Variants in IQSEC3 observed in about 807,000 individuals in gnomAD.
IQSEC3 encodes IQ motif and SEC7 domain-containing protein 3.
Under a neutral mutation model 105.4 loss-of-function variants are expected in IQSEC3, and 50 were observed. The ratio of observed to expected loss-of-function variants is 0.47; its 90% CI spans 0.38 to 0.60. The LOEUF (loss-of-function observed/expected upper bound fraction) is 0.60, where lower values mean the gene tolerates loss of function less well. Among genes scored for constraint, IQSEC3 ranks in the 20% least tolerant of loss-of-function variants. The probability of loss-of-function intolerance (pLI) is 0.00; values close to 1 mark genes in which losing one functional copy is unlikely to be tolerated. For missense variants in IQSEC3, 1,415 were observed against 1,630.0 expected, an observed-to-expected ratio of 0.87 and a Z score of 2.27; for synonymous variants, 708 against 746.0, an observed-to-expected ratio of 0.95 and a Z score of 0.83.
intron 1 of IQSEC3, among the ~76,000 whole-genome samples, chr12:75,638 A>C (rs1555068819): frequency 1.3e-5 from 2 of 152,226 alleles, no homozygotes; most frequent in African/African-American, 4.8e-5. Context: ...CAGGCAGCAG[A>C]GGTTGGTGTC....
intron 9 of IQSEC3, 83 bp from the exon 10 acceptor site, chr12:165,351 C>A: frequency 1.0e-6 from 1 of 1,004,624 alleles, no homozygotes; most frequent in African/African-American, 1.6e-5. Context: ...TTTGTGTGAT[C>A]GTGCATCCCC....
Position 99,156 on chromosome 12 carries a change from G to C in IQSEC3, c.565G>C (p.Val189Leu). The stretch of plus-strand genomic sequence containing the variant: ...CTGCTCTGCCCGCAGGAATGAGACC[G>C]TGCTGCACCAGTTCTGCTGCCCAGC... ...VLSRRPENET[V>L]LHQFCCPAAD... Residue 189 changes from valine (V) to leucine (L), a missense_variant, in exon 2 of 14, where the codon GTG (valine) becomes CTG (leucine). Around this residue, in one of 6 missense-constraint regions of IQSEC3, gnomAD observed 720 missense variants for 633.0 expected, o/e 1.14. Coordinates refer to ENST00000538872, the MANE Select transcript of IQSEC3 (RefSeq NM_001170738.2). The C allele has an allele frequency of 1.3e-6, 2 of 1,598,804 alleles. No homozygotes were observed. The highest frequency in any genetic ancestry group is 1.7e-6 in the Non-Finnish European group (2 of 1,179,706).
chr12:101,460 G>A (rs552263788), intron 2 of IQSEC3, among the ~76,000 whole-genome samples: 15 of 152,138 alleles, frequency 9.9e-5, no homozygotes, highest in Non-Finnish European at 2.1e-4. Flanking sequence ...TGGGAGGTGC[G>A]GGCTTTGAGG....
rs138378547 is a variant in IQSEC3, at chr12:102,271, T to C, written c.623+3057T>C. ...CCGCTAGCTCAGCCAGTAGGAATCA[T>C]GGCCTCCTGAGGATTTCTGGGATCA... is the stretch of plus-strand genomic sequence containing the variant. On this transcript the variant is annotated intron_variant, in intron 2 of 13. Coordinates refer to ENST00000538872, the MANE Select transcript of IQSEC3 (RefSeq NM_001170738.2). Among the ~76,000 whole-genome samples, 320 of 152,262 alleles carry C rather than the reference T, an allele frequency of 2.1e-3. 1 individual carries two copies. The highest frequency in any genetic ancestry group is 2.5e-3 in the Non-Finnish European group (173 of 67,996).
In IQSEC3 at chr12:69,229, G is replaced by A. The variant is rs540221511; in HGVS notation, c.554+1793G>A. 3.3e-5 allele frequency among the ~76,000 whole-genome samples: 5 copies of A among 152,344 alleles called. No individual in the cohort carries two copies. The East Asian group carries it at 9.6e-4, about 29-fold the overall frequency. ...CTCCACTTTCTTTGCATCTCTTCAG[G>A]GCACTGTGTGGCCAAGAAGAGTTGA... is the stretch of plus-strand genomic sequence containing the variant. On this transcript the variant is annotated intron_variant, in intron 1 of 13. Coordinates refer to ENST00000538872, the MANE Select transcript of IQSEC3 (RefSeq NM_001170738.2).
intron 2 of IQSEC3, among the ~76,000 whole-genome samples, chr12:124,519 A>C (rs782589586): frequency 6.6e-6 from 1 of 152,146 alleles, no homozygotes; most frequent in Non-Finnish European, 1.5e-5. Flanking sequence ...AGGACCTCCT[A>C]AGGTAGGAAT....
chr12:116,720 C>T (rs1555080687), intron 2 of IQSEC3, among the ~76,000 whole-genome samples: 2 of 152,234 alleles, frequency 1.3e-5, no homozygotes, highest in Admixed American at 6.5e-5. Context: ...AAGACCCTGA[C>T]TGCTCCTGAG....
At chr12:151,618 C>A (rs1866514738) in intron 5 of IQSEC3, among the ~76,000 whole-genome samples, 1 of 152,182 alleles carries the variant, frequency 6.6e-6, no homozygotes, top group Non-Finnish European at 1.5e-5. Flanking sequence ...GACCCTGTCG[C>A]TCCTCTGATC....
chr12:127,817 T>C (rs1197038605), intron 3 of IQSEC3, among the ~76,000 whole-genome samples: 2 of 152,128 alleles, frequency 1.3e-5, no homozygotes, highest in Non-Finnish European at 2.9e-5. Context: ...TTTTCTCCCA[T>C]TTTGTAGGTT....
At chr12:102,939 G>T (rs1383561509) in intron 2 of IQSEC3, among the ~76,000 whole-genome samples, 1 of 152,120 alleles carries the variant, frequency 6.6e-6, no homozygotes, top group African/African-American at 2.4e-5. Flanking sequence ...ACCCCCCTAG[G>T]AAGGCAATGT....
intron 9 of IQSEC3, among the ~76,000 whole-genome samples, chr12:164,045 C>T (rs1384772031): frequency 6.6e-6 from 1 of 152,204 alleles, no homozygotes; most frequent in African/African-American, 2.4e-5. Flanking sequence ...TGCGTGCACA[C>T]ACATACACAC....
At chr12:140,386 T>G (rs1865968190) in intron 4 of IQSEC3, 1 of 152,150 alleles carries the variant, frequency 6.6e-6, no homozygotes, top group Admixed American at 6.5e-5. Context: ...GAAAGGCGGA[T>G]CTGACTCTGA....
chr12:161,823 C>T, intron 7 of IQSEC3, 103 bp from the exon 8 acceptor site: 1 of 1,234,060 alleles, frequency 8.1e-7, no homozygotes, highest in African/African-American at 1.5e-5. Flanking sequence ...AGGCCACCCC[C>T]CGGGAGCTCC....
intron 7 of IQSEC3, among the ~76,000 whole-genome samples, chr12:160,062 A>T (rs965614189): frequency 1.3e-5 from 2 of 149,914 alleles, no homozygotes; most frequent in African/African-American, 4.9e-5. Context: ...ATAGCATTTT[A>T]TTCTTGCTTT....
chr12:100,027 C>T (rs1555075788), intron 2 of IQSEC3, among the ~76,000 whole-genome samples: 1 of 145,060 alleles, frequency 6.9e-6, no homozygotes, highest in East Asian at 2.1e-4. Flanking sequence ...TTTCTCTTTT[C>T]TTGACTTGTT....
At chr12:107,347 T>C (rs1233348295) in intron 2 of IQSEC3, among the ~76,000 whole-genome samples, 1 of 152,118 alleles carries the variant, frequency 6.6e-6, no homozygotes, top group East Asian at 1.9e-4. Flanking sequence ...TAAAATCTAC[T>C]TGAATGCTTT....
chr12:103,454 CA>C (rs1448585831), intron 2 of IQSEC3, among the ~76,000 whole-genome samples: 1 of 37,792 alleles, frequency 2.6e-5, no homozygotes, highest in Non-Finnish European at 5.2e-5. Flanking sequence ...AGGCGGGGCT[CA>C]GGCAGGAGAG....
chr12:172,580 C>T (rs550859273), intron 13 of IQSEC3, among the ~76,000 whole-genome samples: 3 of 152,324 alleles, frequency 2.0e-5, no homozygotes, highest in South Asian at 2.1e-4. Flanking sequence ...AGGGCAGCCT[C>T]GCCTCCCACG....
chr12:80,286 C>G (rs1196337430), intron 1 of IQSEC3, among the ~76,000 whole-genome samples: 2 of 152,150 alleles, frequency 1.3e-5, no homozygotes. Context: ...TTTTGCTCCC[C>G]GGGGCTCCCT....
Sources: allele counts gnomAD v4.1 joint callset (sites outside exome capture counted in the v4.1 genomes callset), GRCh38; gene constraint gnomAD v4.1.1; regional missense constraint gnomAD v4.1.1; transcripts MANE v1.5; gene names NCBI Gene and HGNC (gene_info 2026-07-23, HGNC 2026-07-21).